MAF: variants seen among roughly 807,000 people sequenced by gnomAD.
The protein encoded by MAF is transcription factor Maf.
Under a neutral mutation model 22.0 loss-of-function variants are expected in MAF, and 10 were observed. The observed-to-expected ratio is 0.45, with a 90% CI of 0.28 to 0.77. The LOEUF (loss-of-function observed/expected upper bound fraction) is 0.77. MAF is among the 30% of genes least tolerant of loss of function. MAF has a pLI of 0.12. For synonymous variants in MAF, 337 were observed against 255.8 expected (o/e 1.32, Z -3.03); for missense variants, 544 against 548.4 (o/e 0.99, Z 0.08).
chr16:79,509,382 G>T, the MAF span, among the ~76,000 whole-genome samples: 1 of 152,252 alleles, frequency 6.6e-6, no homozygotes, highest in African/African-American at 2.4e-5. Context: ...CCCACATCCA[G>T]TCCTGGGAGG....
At chr16:79,539,721 A>G in the MAF span, among the ~76,000 whole-genome samples, 7 of 152,238 alleles carry the variant, frequency 4.6e-5, no homozygotes, top group Non-Finnish European at 1.0e-4. Context: ...AAAGTATAAT[A>G]TTCTGCAGCT....
the MAF span, among the ~76,000 whole-genome samples, chr16:79,218,612 A>G: frequency 6.6e-6 from 1 of 152,154 alleles, no homozygotes; most frequent in South Asian, 2.1e-4. Flanking sequence ...AACATTTTAA[A>G]CTGATTTTCA....
the MAF span, among the ~76,000 whole-genome samples, chr16:79,495,023 T>C: frequency 6.6e-6 from 1 of 152,154 alleles, no homozygotes; most frequent in Non-Finnish European, 1.5e-5. Context: ...GAGCTTCCAT[T>C]TTCCTCTCCA....
the MAF span, among the ~76,000 whole-genome samples, chr16:79,568,956 A>G: frequency 1.3e-5 from 2 of 152,228 alleles, no homozygotes; most frequent in Non-Finnish European, 2.9e-5. Context: ...ACAGATCCAA[A>G]GAGGTTAAGC....
chr16:79,217,303 C>T, the MAF span, among the ~76,000 whole-genome samples: 3 of 152,294 alleles, frequency 2.0e-5, no homozygotes, highest in East Asian at 3.9e-4. Context: ...AGCCCATGGG[C>T]CTTCCACTAC....
At chr16:79,436,017 A>G in the MAF span, among the ~76,000 whole-genome samples, 153 of 152,324 alleles carry the variant, frequency 1.0e-3, no homozygotes, top group Middle Eastern at 0.014. Context: ...TCACCCATTC[A>G]TGTGCAAAAC....
At chr16:79,595,363 A>G (rs3743597) in intron 1 of MAF, 37,837 of 1,051,330 alleles carry the variant, frequency 0.036, 786 homozygotes, top group South Asian at 0.099. Context: ...AGCACCAAAC[A>G]CAACCTGTTT....
At chr16:79,577,815 A>C in the MAF span, among the ~76,000 whole-genome samples, 4 of 152,350 alleles carry the variant, frequency 2.6e-5, no homozygotes, top group South Asian at 6.2e-4. Context: ...CAATGCCCCA[A>C]AAATGAAATG....
the MAF span, among the ~76,000 whole-genome samples, chr16:79,335,679 G>C: frequency 1.3e-5 from 2 of 152,194 alleles, no homozygotes; most frequent in Admixed American, 1.3e-4. Context: ...GATCATTAAT[G>C]AGTTTCCATG....
the MAF span, among the ~76,000 whole-genome samples, chr16:79,529,561 T>C: frequency 1.1e-4 from 16 of 152,266 alleles, no homozygotes; most frequent in East Asian, 2.9e-3. Context: ...AGAGGGTGTT[T>C]TGGAAGAGTT....
chr16:79,252,281 A>AAAACTTTATTTATTTATAAAT, the MAF span, among the ~76,000 whole-genome samples: 8,531 of 151,874 alleles, frequency 0.056, 280 homozygotes, highest in Non-Finnish European at 0.079. Context: ...ATGTTCCAAT[A>AAAACTTTATTTATTTATAAAT]AAACTTTATT....
At chr16:79,502,708 A>AATATAAATATATATAT in the MAF span, among the ~76,000 whole-genome samples, 5 of 33,992 alleles carry the variant, frequency 1.5e-4, no homozygotes, top group Non-Finnish European at 2.8e-4. Flanking sequence ...TATAAATATA[A>AATATAAATATATATAT]ATATATATAT....
chr16:79,261,472 G>C, the MAF span, among the ~76,000 whole-genome samples: 6 of 152,320 alleles, frequency 3.9e-5, no homozygotes, highest in East Asian at 9.7e-4. Flanking sequence ...TTAAGACTTA[G>C]CACAGGAGCT....
chr16:79,480,324 CA>C, the MAF span, among the ~76,000 whole-genome samples: 9 of 103,924 alleles, frequency 8.7e-5, no homozygotes, highest in African/African-American at 3.2e-4. Flanking sequence ...AGTTGAAATA[CA>C]ATTTTTTTTT....
At chr16:79,228,545 T>A in the MAF span, among the ~76,000 whole-genome samples, 1 of 152,088 alleles carries the variant, frequency 6.6e-6, no homozygotes, top group Non-Finnish European at 1.5e-5. Context: ...TCTTCACACA[T>A]TGATCTTCCT....
At chr16:79,508,064 AG>A in the MAF span, among the ~76,000 whole-genome samples, 1 of 152,156 alleles carries the variant, frequency 6.6e-6, no homozygotes, top group African/African-American at 2.4e-5. Context: ...AGCAGGAAAA[AG>A]GGATGGAAGA....
chr16:79,413,004 G>C, the MAF span, among the ~76,000 whole-genome samples: 1 of 152,238 alleles, frequency 6.6e-6, no homozygotes, highest in African/African-American at 2.4e-5. Context: ...AAAAACACAA[G>C]TGACAAACTT....
At chr16:79,252,376 C>G in the MAF span, among the ~76,000 whole-genome samples, 1 of 151,812 alleles carries the variant, frequency 6.6e-6, no homozygotes, top group East Asian at 1.9e-4. Context: ...TCTCTTTCCC[C>G]TCAAAATGTA....
chr16:79,410,702 G>A, the MAF span, among the ~76,000 whole-genome samples: 1 of 152,210 alleles, frequency 6.6e-6, no homozygotes, highest in African/African-American at 2.4e-5. Flanking sequence ...GCTGCATGGA[G>A]GAGGCAGCAT....
Sources: allele counts gnomAD v4.1 joint callset (sites outside exome capture counted in the v4.1 genomes callset), GRCh38; gene constraint gnomAD v4.1.1; transcripts MANE v1.5; gene names NCBI Gene and HGNC (gene_info 2026-07-23, HGNC 2026-07-21).